The following PRH1 variants were observed in gnomAD, a reference collection of about 807,000 sequenced individuals.
PRH1 encodes proline rich protein HaeIII subfamily 1.
PRH1 carries 7 observed loss-of-function variants against 7.9 expected under a neutral mutation model. The observed-to-expected ratio is 0.89, with a 90% CI of 0.50 to 1.67. The LOEUF is 1.67. PRH1 is among the 40% of genes most tolerant of loss of function. The probability of loss-of-function intolerance (pLI) is 0.00; values close to 1 mark genes in which losing one functional copy is unlikely to be tolerated. For synonymous variants in PRH1, 45 were observed against 80.8 expected, an observed-to-expected ratio of 0.56 and a Z score of 2.38; for missense variants, 109 against 223.6, an observed-to-expected ratio of 0.49 and a Z score of 3.27.
intron 1 of PRH1, among the ~76,000 whole-genome samples, chr12:11,166,708 G>A (rs891370988): frequency 5.3e-5 from 8 of 152,124 alleles, no homozygotes; most frequent in Non-Finnish European, 8.8e-5. Context: ...TTTTAGATTT[G>A]CACTGCTGCT....
intron 2 of PRH1, among the ~76,000 whole-genome samples, chr12:10,892,748 C>T (rs1021544626): frequency 2.0e-5 from 3 of 152,170 alleles, no homozygotes; most frequent in African/African-American, 7.2e-5. Context: ...AACAAGAACA[C>T]AGCTTTGAGA....
intron 1 of PRH1, among the ~76,000 whole-genome samples, chr12:11,124,616 C>T (rs940111691): frequency 2.0e-5 from 3 of 152,118 alleles, no homozygotes; most frequent in Non-Finnish European, 4.4e-5. Context: ...CGTAAATTTC[C>T]CACAATGATA....
intron 1 of PRH1, among the ~76,000 whole-genome samples, chr12:11,071,817 C>A (rs1307282276): frequency 2.0e-5 from 3 of 152,122 alleles, no homozygotes; most frequent in Non-Finnish European, 2.9e-5. Flanking sequence ...GCTGGACAGA[C>A]CCCTGCATGG....
At chr12:11,079,094 A>G (rs1944411683) in intron 1 of PRH1, 1 of 145,912 alleles carries the variant, frequency 6.9e-6, no homozygotes. Flanking sequence ...TGATAAATTT[A>G]GTCTCAAGTC....
chr12:11,142,864 AAC>A (rs1163249071), intron 1 of PRH1, among the ~76,000 whole-genome samples: 6 of 152,194 alleles, frequency 3.9e-5, no homozygotes, highest in Non-Finnish European at 1.5e-5. Flanking sequence ...ATATTCTTCA[AAC>A]ATGAAAGAGA....
At chr12:10,979,426 T>C (rs1939251349) in intron 1 of PRH1, among the ~76,000 whole-genome samples, 2 of 152,192 alleles carry the variant, frequency 1.3e-5, no homozygotes, top group Admixed American at 1.3e-4. Flanking sequence ...GAGGCAATGC[T>C]TGGCATATTC....
downstream of PRH1, among the ~76,000 whole-genome samples, chr12:11,117,179 C>T (rs190591853): frequency 6.6e-6 from 1 of 152,000 alleles, no homozygotes; most frequent in East Asian, 1.9e-4. Flanking sequence ...GAAGACTGTA[C>T]CAAAAACTAT....
chr12:11,012,180 T>C (rs546286538), intron 1 of PRH1, among the ~76,000 whole-genome samples: 43 of 152,312 alleles, frequency 2.8e-4, no homozygotes, highest in Admixed American at 1.6e-3. Context: ...TTCTCTAATG[T>C]ATTTTTTATT....
intron 1 of PRH1, among the ~76,000 whole-genome samples, chr12:11,036,640 T>C (rs1942442321): frequency 6.6e-6 from 1 of 152,276 alleles, no homozygotes; most frequent in African/African-American, 2.4e-5. Context: ...TAAATAATTA[T>C]TTGCATAAGC....
At chr12:10,983,613 A>G (rs188049485) in intron 1 of PRH1, among the ~76,000 whole-genome samples, 42 of 152,324 alleles carry the variant, frequency 2.8e-4, no homozygotes, top group Admixed American at 2.0e-3. Context: ...ACCCTGGCCA[A>G]TGGGAAATAG....
At chr12:11,101,422 A>G (rs1945244472) in intron 1 of PRH1, among the ~76,000 whole-genome samples, 1 of 152,200 alleles carries the variant, frequency 6.6e-6, no homozygotes, top group Admixed American at 6.5e-5. Flanking sequence ...CCAAGGTGAC[A>G]GAGGCTGCAT....
chr12:11,105,496 T>C (rs1343997345), intron 1 of PRH1, among the ~76,000 whole-genome samples: 2 of 152,334 alleles, frequency 1.3e-5, no homozygotes, highest in Admixed American at 6.5e-5. Context: ...GCTGTCTTTA[T>C]GGAAAACATG....
chr12:11,041,214 C>T (rs1942692724), intron 1 of PRH1, among the ~76,000 whole-genome samples: 1 of 136,778 alleles, frequency 7.3e-6, no homozygotes, highest in African/African-American at 2.7e-5. Flanking sequence ...CTCTAAGAAA[C>T]ACACTTTGCC....
intron 2 of PRH1, among the ~76,000 whole-genome samples, chr12:10,922,186 A>C (rs146073034): frequency 6.6e-6 from 1 of 152,328 alleles, no homozygotes; most frequent in African/African-American, 2.4e-5. Flanking sequence ...AGCGCAAGGT[A>C]CATATTAGCT....
rs556659270 is a variant in PRH1, at chr12:10,930,200, C to G, written c.-59+43455G>C. ...GGTGTGATCAGAGGTCCTTTATCCT[C>G]GTAGAACACTATGAGCTCTGAATGA... On this transcript the variant is annotated intron_variant, in intron 2 of 3. Transcript: ENST00000539853. The G allele has an allele frequency of 2.6e-6, 4 of 1,550,886 alleles. No homozygotes were observed. In the African/African-American group the frequency reaches 5.4e-5, roughly 21 times the overall value.
chr12:10,964,542 T>C (rs1938408509), intron 2 of PRH1: 1 of 303,416 alleles, frequency 3.3e-6, no homozygotes, highest in African/African-American at 2.2e-5. Flanking sequence ...GAAGGGTATA[T>C]AATTGCAGTA....
chr12:10,901,536 G>T (rs1042271275), intron 2 of PRH1, among the ~76,000 whole-genome samples: 5 of 152,110 alleles, frequency 3.3e-5, no homozygotes, highest in South Asian at 2.1e-4. Flanking sequence ...AACCCCCAAG[G>T]CTGAGCAGGG....
chr12:11,001,458 C>A (rs1940593630), intron 1 of PRH1, among the ~76,000 whole-genome samples: 2 of 152,042 alleles, frequency 1.3e-5, no homozygotes, highest in South Asian at 4.1e-4. Flanking sequence ...GTGCCAGCAA[C>A]CTGTGTGGGC....
At chr12:10,939,063 T>C in intron 2 of PRH1, 1 of 1,613,984 alleles carries the variant, frequency 6.2e-7, no homozygotes, top group Non-Finnish European at 8.5e-7. Flanking sequence ...GCCAAAGCAG[T>C]GAGGATCCGA....
Sources: allele counts gnomAD v4.1 joint callset (sites outside exome capture counted in the v4.1 genomes callset), GRCh38; gene constraint gnomAD v4.1.1; transcripts MANE v1.5; gene names NCBI Gene and HGNC (gene_info 2026-07-23, HGNC 2026-07-21).